Variants in R3HDM2 observed in about 807,000 individuals in gnomAD.
R3HDM2 encodes R3H domain-containing protein 2.
In R3HDM2, 38 loss-of-function variants were observed where a neutral mutation model predicts 124.5. The observed-to-expected ratio is 0.31, with a 90% CI of 0.24 to 0.40. The LOEUF (loss-of-function observed/expected upper bound fraction) is 0.40, where lower values mean the gene tolerates loss of function less well. Among genes scored for constraint, R3HDM2 ranks in the 10% least tolerant of loss-of-function variants. R3HDM2 has a pLI of 1.00. For missense variants in R3HDM2, 869 were observed against 1,236.9 expected (o/e 0.70, Z 4.46); for synonymous variants, 391 against 448.0 (o/e 0.87, Z 1.61).
intron 4 of R3HDM2, among the ~76,000 whole-genome samples, chr12:57,300,906 T>C (rs2050974345): frequency 6.6e-6 from 1 of 151,932 alleles, no homozygotes; most frequent in African/African-American, 2.4e-5. Context: ...GAGGTCACAG[T>C]CTGGGCAACA....
At chr12:57,313,673 A>C (rs901207263) in intron 2 of R3HDM2, among the ~76,000 whole-genome samples, 2 of 151,704 alleles carry the variant, frequency 1.3e-5, no homozygotes, top group African/African-American at 4.8e-5. Flanking sequence ...TGAGGCCAAG[A>C]GTTTGAGACT....
At chr12:57,300,298 G>A in intron 4 of R3HDM2, 117 bp from the exon 5 acceptor site, 1 of 836,582 alleles carries the variant, frequency 1.2e-6, no homozygotes, top group Non-Finnish European at 1.9e-6. Context: ...GGCTCTGTTA[G>A]TTGCTGTTTC....
In R3HDM2 at chr12:57,254,200, A is replaced by G; in HGVS notation, c.*573T>C. 2.2e-6 allele frequency: 1 copy of G among 456,216 alleles called. No individual in the cohort carries two copies. Among genetic ancestry groups the G allele is most frequent in the Non-Finnish European group, 4.4e-6 (1 of 226,794 alleles). The allele number at this position is 456,216 out of a possible 1,614,324, so 28.3% of individuals were successfully genotyped here. ...TATGATAGGAGAAGAGATTTAAAAA[A>G]ATGATAGAAGAGGATGGAAGCCAGG... On this transcript the variant is annotated 3_prime_UTR_variant, in exon 24 of 24. Coordinates refer to ENST00000402412, the MANE Select transcript of R3HDM2 (RefSeq NM_001394031.1).
At chr12:57,315,290 T>C (rs1332325496) in intron 2 of R3HDM2, among the ~76,000 whole-genome samples, 1 of 151,966 alleles carries the variant, frequency 6.6e-6, no homozygotes, top group African/African-American at 2.4e-5. Context: ...CACCCACCAC[T>C]TCGGCCTCCC....
intron 19 of R3HDM2, among the ~76,000 whole-genome samples, chr12:57,264,060 T>C (rs532334567): frequency 1.3e-5 from 2 of 152,078 alleles, no homozygotes; most frequent in South Asian, 2.1e-4. Flanking sequence ...CTGGCCAACA[T>C]GGTGAACGCC....
intron 10 of R3HDM2, among the ~76,000 whole-genome samples, chr12:57,294,162 G>C (rs1319534097): frequency 6.6e-6 from 1 of 152,284 alleles, no homozygotes; most frequent in South Asian, 2.1e-4. Flanking sequence ...GCCTAGTTCA[G>C]GGAAAACACT....
At chr12:57,396,777 CAAAA>C (rs35199480) in intron 1 of R3HDM2, among the ~76,000 whole-genome samples, 13 of 104,858 alleles carry the variant, frequency 1.2e-4, no homozygotes, top group African/African-American at 2.2e-4. Flanking sequence ...GACTCTGTCT[CAAAA>C]AAAAAAAAAA....
At chr12:57,348,559 TG>T (rs1279713162) in intron 2 of R3HDM2, among the ~76,000 whole-genome samples, 1 of 151,972 alleles carries the variant, frequency 6.6e-6, no homozygotes. Flanking sequence ...CCAGGTGTGG[TG>T]GCACACGCCT....
In R3HDM2 at chr12:57,410,852, C is replaced by T. The variant is rs148274857; in HGVS notation, c.-105-15034G>A. ...TGAGTGACAGAGCAAGACTCTGTCT[C>T]TAAATAAATAAAAAGAAATTCTATT... is the stretch of plus-strand genomic sequence containing the variant. On this transcript the variant is annotated intron_variant, in intron 1 of 23. Coordinates refer to ENST00000402412, the MANE Select transcript of R3HDM2 (RefSeq NM_001394031.1). Among the ~76,000 whole-genome samples, 19 of 151,992 alleles carry T rather than the reference C, an allele frequency of 1.3e-4. 1 individual carries two copies. In the East Asian group the frequency reaches 3.7e-3, roughly 29 times the overall value.
In R3HDM2 at chr12:57,268,382, A is replaced by C; in HGVS notation, c.1951T>G (p.Ser651Ala). 6.2e-7 allele frequency: 1 copy of C among 1,614,096 alleles called. No individual in the cohort carries two copies. The highest frequency in any genetic ancestry group is 1.1e-5 in the South Asian group (1 of 91,060). Residue 651 changes from serine to alanine, a missense_variant, in exon 18 of 24, where the codon TCT becomes GCT. Ser to Ala is a moderately conservative substitution (Grantham distance 99). Transcript: ENST00000402412. ...GCTGCTGGGAGGCCTCCTTGCACAG[A>C]CTGGCTCACAGGGACCAGCATGGGT... ...QQPMLVPVSQ[S>A]VQGGLPAAGV...
chr12:57,410,649 T>C lies in R3HDM2; in HGVS notation c.-105-14831A>G, dbSNP rs144921611. 9.1e-3 allele frequency among the ~76,000 whole-genome samples: 1,378 copies of C among 152,236 alleles called. 13 individuals carry two copies. Among genetic ancestry groups the C allele is most frequent in the Non-Finnish European group, 0.011 (725 of 68,026 alleles). Reference sequence around the variant, plus strand: ...AGGAAGATCGCCTGAGGCCAGGAGTTTGAGACCAGCCTGGGCTACATGGCA... The same window carrying C: ...AGGAAGATCGCCTGAGGCCAGGAGTCTGAGACCAGCCTGGGCTACATGGCA... On this transcript the variant is annotated intron_variant, in intron 1 of 23. Coordinates refer to ENST00000402412, the MANE Select transcript of R3HDM2 (RefSeq NM_001394031.1).
intron 1 of R3HDM2, among the ~76,000 whole-genome samples, chr12:57,406,867 CCAGTT>C (rs2068568352): frequency 6.6e-6 from 1 of 152,108 alleles, no homozygotes; most frequent in African/African-American, 2.4e-5. Flanking sequence ...ATCAATTAAT[CCAGTT>C]AACTGTGGGA....
At chr12:57,414,111 A>C (rs1238235338) in intron 1 of R3HDM2, among the ~76,000 whole-genome samples, 1 of 151,110 alleles carries the variant, frequency 6.6e-6, no homozygotes, top group Non-Finnish European at 1.5e-5. Context: ...AGCCTCCCAG[A>C]GTGCTGGGAT....
intron 1 of R3HDM2, among the ~76,000 whole-genome samples, chr12:57,405,943 A>T (rs912041894): frequency 1.3e-5 from 2 of 152,184 alleles, no homozygotes; most frequent in Admixed American, 6.5e-5. Flanking sequence ...TCAAAGACTA[A>T]CAGGATCACA....
At chr12:57,324,723 A>G (rs990092615) in intron 2 of R3HDM2, among the ~76,000 whole-genome samples, 2 of 152,210 alleles carry the variant, frequency 1.3e-5, no homozygotes, top group African/African-American at 4.8e-5. Flanking sequence ...TCTCCATTGT[A>G]GCTAAATGAG....
intron 2 of R3HDM2, among the ~76,000 whole-genome samples, chr12:57,373,425 A>G (rs1210002502): frequency 6.6e-6 from 1 of 152,022 alleles, no homozygotes; most frequent in African/African-American, 2.4e-5. Flanking sequence ...GCATGACCCC[A>G]GAGGCGGAGC....
At chr12:57,419,728 C>T (rs888323798) in intron 1 of R3HDM2, among the ~76,000 whole-genome samples, 3 of 151,986 alleles carry the variant, frequency 2.0e-5, no homozygotes, top group Admixed American at 6.6e-5. Context: ...AGGTGTAAGC[C>T]ACCGTGCCCA....
At chr12:57,267,580 A>G (rs2042752254) in intron 18 of R3HDM2, among the ~76,000 whole-genome samples, 1 of 152,128 alleles carries the variant, frequency 6.6e-6, no homozygotes, top group Non-Finnish European at 1.5e-5. Context: ...TCAAAAACAA[A>G]TATAGTCACA....
intron 2 of R3HDM2, among the ~76,000 whole-genome samples, chr12:57,325,268 C>T (rs1207956709): frequency 6.6e-6 from 1 of 152,066 alleles, no homozygotes; most frequent in African/African-American, 2.4e-5. Flanking sequence ...TCAGCCTCCC[C>T]AAGTAGCTGG....
Sources: allele counts gnomAD v4.1 joint callset (sites outside exome capture counted in the v4.1 genomes callset), GRCh38; gene constraint gnomAD v4.1.1; transcripts MANE v1.5; gene names NCBI Gene and HGNC (gene_info 2026-07-23, HGNC 2026-07-21).